CCDC149: variants seen among roughly 807,000 people sequenced by gnomAD.
CCDC149 encodes coiled-coil domain containing 149, also known as coiled-coil domain-containing protein 149.
In CCDC149, 45 loss-of-function variants were observed where a neutral mutation model predicts 59.9. The ratio of observed to expected loss-of-function variants is 0.75; its 90% confidence interval spans 0.59 to 0.96. The LOEUF is 0.96. Among genes scored for constraint, CCDC149 ranks in the 40% least tolerant of loss-of-function variants. The pLI is 0.00. For synonymous variants in CCDC149, 245 were observed against 260.6 expected, an observed-to-expected ratio of 0.94 and a Z score of 0.58; for missense variants, 584 against 664.7, an observed-to-expected ratio of 0.88 and a Z score of 1.33.
In CCDC149 at chr4:24,912,963, C is replaced by T. The variant is rs1721987457; in HGVS notation, c.-84G>A. 3.0e-6 allele frequency: 2 copies of T among 658,760 alleles called. No homozygotes were observed. The highest frequency in any genetic ancestry group is 4.0e-6 in the Non-Finnish European group (2 of 505,824). 40.8% of individuals were successfully genotyped at this position (658,760 alleles called of 1,614,324 possible). A position where few individuals can be genotyped will look rare whatever the true frequency, so the allele number is the denominator to read the frequency against. On this transcript the variant is annotated 5_prime_UTR_variant, in exon 1 of 13. Transcript: ENST00000635206. The stretch of plus-strand genomic sequence containing the variant: ...GCCGCCGCCCGGGCCCCGCGCGGCC[C>T]CGAGAGGGCCCGGCGCCTCCGAGCC...
At chr4:24,868,968 C>T (rs533885979) in intron 3 of CCDC149, among the ~76,000 whole-genome samples, 5 of 152,210 alleles carry the variant, frequency 3.3e-5, no homozygotes, top group African/African-American at 4.8e-5. Flanking sequence ...CTACCGCACA[C>T]GGCTATGTGA....
At chr4:24,909,805 G>T (rs1362354768) in intron 1 of CCDC149, among the ~76,000 whole-genome samples, 1 of 152,056 alleles carries the variant, frequency 6.6e-6, no homozygotes, top group African/African-American at 2.4e-5. Flanking sequence ...CATGTAAGAT[G>T]TTACTTGCTC....
intron 1 of CCDC149, among the ~76,000 whole-genome samples, chr4:24,958,230 C>T (rs1485541819): frequency 6.6e-6 from 1 of 152,186 alleles, no homozygotes; most frequent in Non-Finnish European, 1.5e-5. Context: ...GGTAGCGTAC[C>T]TTGAAGAGTC....
At chr4:24,903,526 G>C (rs1721301158) in intron 1 of CCDC149, among the ~76,000 whole-genome samples, 1 of 152,166 alleles carries the variant, frequency 6.6e-6, no homozygotes, top group Admixed American at 6.5e-5. Context: ...GCTCTCTGTA[G>C]CAATAGCTAA....
chr4:24,888,543 A>G (rs1275241030), intron 1 of CCDC149, among the ~76,000 whole-genome samples: 1 of 152,174 alleles, frequency 6.6e-6, no homozygotes, highest in African/African-American at 2.4e-5. Flanking sequence ...CATTCTTAAA[A>G]GTCCTGCAGA....
intron 2 of CCDC149, among the ~76,000 whole-genome samples, chr4:24,873,991 G>C (rs972966076): frequency 6.6e-6 from 1 of 152,144 alleles, no homozygotes; most frequent in African/African-American, 2.4e-5. Flanking sequence ...AACTGGATTT[G>C]TCAAAATTCT....
chr4:24,975,372 A>G, intron 1 of CCDC149, among the ~76,000 whole-genome samples: 1 of 112,044 alleles, frequency 8.9e-6, no homozygotes. Context: ...GAGAAGGCAG[A>G]GAAGAGGAGG....
intron 1 of CCDC149, among the ~76,000 whole-genome samples, chr4:24,906,744 A>G (rs989709020): frequency 1.3e-5 from 2 of 152,138 alleles, no homozygotes; most frequent in Non-Finnish European, 2.9e-5. Context: ...GCAAGACAGC[A>G]AAGTTCACCA....
In CCDC149 at chr4:24,938,836, G is replaced by A. The variant is rs370289883; in HGVS notation, c.-65+41233C>T. Among the ~76,000 whole-genome samples, 201 of 152,336 alleles carry A rather than the reference G, an allele frequency of 1.3e-3. 5 individuals are homozygous for A. The South Asian group carries it at 0.036, about 28-fold the overall frequency. On this transcript the variant is annotated intron_variant, in intron 1 of 12. Transcript: ENST00000389609. ...TGAGATCAAACTGCAAGGCATCAGC[G>A]AGGCTGGGTGAGGGGCGCCCGCCAT...
chr4:24,924,788 T>G lies in CCDC149; in HGVS notation c.-64-29670A>C, dbSNP rs75856745. Among the ~76,000 whole-genome samples the G allele has an allele frequency of 9.2e-3, 1,399 of 152,290 alleles. 22 individuals are homozygous for G. The highest frequency in any genetic ancestry group is 0.032 in the African/African-American group (1,314 of 41,542). ...CACCACATTATTTTTTGGTTATGAGTGAGTCAAAAACTTGTCCAGATGCCA... is the reference window on the plus strand; with the variant it reads ...CACCACATTATTTTTTGGTTATGAGGGAGTCAAAAACTTGTCCAGATGCCA... On this transcript the variant is annotated intron_variant, in intron 1 of 12. Transcript: ENST00000389609.
At chr4:24,920,184 T>C (rs917740241) in intron 1 of CCDC149, among the ~76,000 whole-genome samples, 5 of 152,218 alleles carry the variant, frequency 3.3e-5, no homozygotes, top group African/African-American at 1.2e-4. Flanking sequence ...CCATCTCTTC[T>C]GGTTTTGTGA....
At chr4:24,894,986 C>T (rs1276645899) in intron 1 of CCDC149, 1 of 1,536,118 alleles carries the variant, frequency 6.5e-7, no homozygotes, top group Admixed American at 2.0e-5. Context: ...CATGGTTTGT[C>T]AATACCTCAG....
upstream of CCDC149, among the ~76,000 whole-genome samples, chr4:24,916,550 T>C (rs915098443): frequency 6.6e-6 from 1 of 152,110 alleles, no homozygotes; most frequent in Non-Finnish European, 1.5e-5. Flanking sequence ...TGATGTGACT[T>C]CTCCAGACAG....
rs146424627 is a variant in CCDC149, at chr4:24,812,164, C to T, written c.1193-3345G>A. ...CTCAAGATCCATAAATCAATCATAT[C>T]GGCAAAGTCATTTTGCCATATAAGG... On this transcript the variant is annotated intron_variant, in intron 12 of 12. Coordinates refer to ENST00000635206, the MANE Select transcript of CCDC149 (RefSeq NM_001330643.2). Among the ~76,000 whole-genome samples, 56 of 152,318 alleles carry T rather than the reference C, an allele frequency of 3.7e-4. 1 individual carries two copies. The highest frequency in any genetic ancestry group is 1.2e-3 in the African/African-American group (49 of 41,576).
intron 4 of CCDC149, among the ~76,000 whole-genome samples, chr4:24,848,175 CTG>C (rs1717427350): frequency 1.3e-5 from 2 of 152,260 alleles, no homozygotes; most frequent in Admixed American, 1.3e-4. Flanking sequence ...AGGGTCCATG[CTG>C]TCTACGCTAC....
intron 1 of CCDC149, 28 bp from the exon 2 acceptor site, chr4:24,876,725 G>C (rs1207250079): frequency 2.0e-5 from 31 of 1,581,098 alleles, no homozygotes; most frequent in Non-Finnish European, 2.5e-5. Context: ...CCAGGCAATG[G>C]GTCAAAAACA....
chr4:24,853,354 C>T (rs1256266382), intron 3 of CCDC149, 175 bp from the exon 4 acceptor site: 13 of 586,972 alleles, frequency 2.2e-5, no homozygotes, highest in South Asian at 1.5e-4. Context: ...TACAATGGCA[C>T]GCAGGAAAAT....
chr4:24,838,177 C>A lies in CCDC149; in HGVS notation c.468G>T (p.Gln156His), dbSNP rs1335626431. ...GAACCTGTTCCTTAGCTCGCTCTAG[C>A]TGCTGCACCAAGTCTTCACGCTCAT... Residue 156 changes from glutamine (Q) to histidine (H), a missense_variant, in exon 5 of 13, where the codon CAG becomes CAT. Coordinates refer to ENST00000635206, the MANE Select transcript of CCDC149 (RefSeq NM_001330643.2). 6.2e-7 allele frequency: 1 copy of A among 1,613,924 alleles called. No homozygotes were observed. Among genetic ancestry groups the A allele is most frequent in the Non-Finnish European group, 8.5e-7 (1 of 1,179,862 alleles).
chr4:24,891,395 C>T (rs1297802204), intron 1 of CCDC149, among the ~76,000 whole-genome samples: 7 of 152,134 alleles, frequency 4.6e-5, no homozygotes, highest in Non-Finnish European at 5.9e-5. Context: ...CCATGGGTGA[C>T]CCAAATTAAT....
Sources: gnomAD v4.1 joint callset for allele counts (sites outside exome capture counted in the v4.1 genomes callset) on GRCh38, gnomAD v4.1.1 for gene constraint, MANE v1.5 for transcripts, NCBI Gene and HGNC (gene_info 2026-07-23, HGNC 2026-07-21) for gene names.